Variants in ATP9A observed in about 807,000 individuals in gnomAD.
The protein encoded by ATP9A is probable phospholipid-transporting ATPase IIA.
Under a neutral mutation model 144.1 loss-of-function variants are expected in ATP9A, and 52 were observed. That is an observed-to-expected ratio of 0.36 (90% confidence interval 0.29 to 0.45). The LOEUF (loss-of-function observed/expected upper bound fraction) is 0.45. ATP9A is among the 20% of genes least tolerant of loss of function. The pLI is 1.00. For synonymous variants in ATP9A, 582 were observed against 557.4 expected (o/e 1.04, Z -0.62); for missense variants, 947 against 1,392.7 (o/e 0.68, Z 5.09).
intron 1 of ATP9A, among the ~76,000 whole-genome samples, chr20:51,737,392 A>G (rs1212756898): frequency 2.0e-5 from 3 of 152,120 alleles, no homozygotes; most frequent in African/African-American, 7.2e-5. Context: ...GCTCTGCCAC[A>G]ATGGACAGAT....
intron 15 of ATP9A, among the ~76,000 whole-genome samples, chr20:51,632,889 G>A (rs796606360): frequency 3.9e-5 from 6 of 152,264 alleles, no homozygotes; most frequent in African/African-American, 9.6e-5. Context: ...TTGGGGGGCC[G>A]AGGCTGGTGG....
At chr20:51,698,600 G>C (rs2077580263) in intron 4 of ATP9A, among the ~76,000 whole-genome samples, 2 of 152,222 alleles carry the variant, frequency 1.3e-5, no homozygotes, top group African/African-American at 4.8e-5. Context: ...AATTCCAGTG[G>C]AGGGGAGGAG....
At chr20:51,739,603 C>A (rs889185584) in intron 1 of ATP9A, among the ~76,000 whole-genome samples, 2 of 152,196 alleles carry the variant, frequency 1.3e-5, no homozygotes, top group African/African-American at 4.8e-5. Flanking sequence ...TACACTCACT[C>A]TTTAATCATG....
At chr20:51,650,894 A>C (rs2077361194) in intron 14 of ATP9A, among the ~76,000 whole-genome samples, 1 of 126,118 alleles carries the variant, frequency 7.9e-6, no homozygotes, top group African/African-American at 2.6e-5. Context: ...AGGAAAATAC[A>C]TCACACATAC....
intron 12 of ATP9A, among the ~76,000 whole-genome samples, chr20:51,670,786 C>T (rs555680661): frequency 2.9e-4 from 44 of 152,244 alleles, no homozygotes; most frequent in Middle Eastern, 3.4e-3. Flanking sequence ...AAGCTTGCTT[C>T]GGCTACTATG....
chr20:51,707,871 A>T (rs371262732), intron 4 of ATP9A, among the ~76,000 whole-genome samples: 11 of 144,396 alleles, frequency 7.6e-5, no homozygotes, highest in African/African-American at 2.9e-4. Context: ...GTGTGTGTGT[A>T]GCGTGTATTT....
rs752037306 is a variant in ATP9A, at chr20:51,639,412, G to T, written c.1599C>A (p.Ile533=). The change falls in exon 15 of 28, where the codon ATC becomes ATA. Residue 533 remains isoleucine (I), a synonymous_variant. Transcript: ENST00000338821. ...SMQLRTPGDQ[I]LNFTILQIFP... ...AGATCTGTAGGATGGTGAAGTTCAG[G>T]ATCTGGTCGCCAGGGGTCCTCAGCT... The T allele has an allele frequency of 6.2e-7, 1 of 1,614,090 alleles. No homozygotes were observed. The highest frequency in any genetic ancestry group is 1.1e-5 in the South Asian group (1 of 91,080).
intron 4 of ATP9A, among the ~76,000 whole-genome samples, chr20:51,698,297 G>A (rs1249089086): frequency 1.3e-5 from 2 of 152,212 alleles, no homozygotes; most frequent in African/African-American, 2.4e-5. Context: ...GCCGAAGCAG[G>A]CAGATGGCTT....
At position 51,762,705 on chromosome 20, in the gene ATP9A, CTTTTTT is replaced by C. The variant is rs34209501; in HGVS notation, c.68+5591_68+5596del. Among the ~76,000 whole-genome samples, 278 of 84,504 alleles carry C rather than the reference CTTTTTT, an allele frequency of 3.3e-3. 1 individual carries two copies. The highest frequency in any genetic ancestry group is 7.5e-3 in the Admixed American group (48 of 6,396). 55.4% of individuals were successfully genotyped at this position (84,504 alleles called of 152,430 possible). A position where few individuals can be genotyped will look rare whatever the true frequency, so the allele number is the denominator to read the frequency against. The stretch of plus-strand genomic sequence containing the variant: ...TTTAAGGTGATATATCCACAAATGG[CTTTTTT>C]TTTTTTTTTTTTTTTTGAGACAGGG... On this transcript the variant is annotated intron_variant, in intron 1 of 27. Coordinates refer to ENST00000338821, the MANE Select transcript of ATP9A (RefSeq NM_006045.3).
intron 15 of ATP9A, among the ~76,000 whole-genome samples, chr20:51,637,426 G>T (rs1008728348): frequency 5.3e-5 from 8 of 151,940 alleles, no homozygotes; most frequent in African/African-American, 1.9e-4. Context: ...AGACACGGGA[G>T]GACCAAAAGG....
intron 15 of ATP9A, among the ~76,000 whole-genome samples, chr20:51,637,691 T>C (rs1377863055): frequency 1.4e-5 from 2 of 140,234 alleles, no homozygotes; most frequent in Non-Finnish European, 3.1e-5. Flanking sequence ...CTTCTACTTG[T>C]GCACTCTGTT....
intron 14 of ATP9A, among the ~76,000 whole-genome samples, chr20:51,652,254 G>T (rs1366343768): frequency 6.6e-6 from 1 of 152,214 alleles, no homozygotes; most frequent in African/African-American, 2.4e-5. Flanking sequence ...CGGTGGCAGG[G>T]AGGGCCCAGC....
chr20:51,642,762 A>C (rs1331976587), intron 14 of ATP9A, among the ~76,000 whole-genome samples: 1 of 137,524 alleles, frequency 7.3e-6, no homozygotes, highest in East Asian at 2.2e-4. Context: ...AAAAAAAAAA[A>C]AACCTGGCGT....
intron 9 of ATP9A, among the ~76,000 whole-genome samples, chr20:51,679,993 G>A (rs971510997): frequency 6.6e-6 from 1 of 152,144 alleles, no homozygotes; most frequent in Non-Finnish European, 1.5e-5. Flanking sequence ...ACTTTGGGAG[G>A]CTGAGGCGGG....
chr20:51,612,969 A>T (rs1428704700), intron 23 of ATP9A, among the ~76,000 whole-genome samples: 1 of 152,126 alleles, frequency 6.6e-6, no homozygotes, highest in Non-Finnish European at 1.5e-5. Flanking sequence ...GCCCTCCATG[A>T]CGAGTGTATC....
rs2077134605 is a variant in ATP9A, at chr20:51,599,840, T to C, written c.*1371A>G. 6.6e-6 allele frequency: 1 copy of C among 152,186 alleles called. No individual in the cohort carries two copies. The highest frequency in any genetic ancestry group is 6.5e-5 in the Admixed American group (1 of 15,286). 9.4% of individuals were successfully genotyped at this position (152,186 alleles called of 1,614,324 possible). On this transcript the variant is annotated 3_prime_UTR_variant, in exon 28 of 28. Transcript: ENST00000338821. ...CGCAAATCCAAGATCTCAACCACAC[T>C]TGGCTCTTAAAGATCCACCAACTTA... is the stretch of plus-strand genomic sequence containing the variant.
Position 51,750,871 on chromosome 20 carries a change from C to T in ATP9A, c.68+17431G>A, listed in dbSNP as rs1278831182. Among the ~76,000 whole-genome samples the T allele has an allele frequency of 1.8e-4, 28 of 152,282 alleles. No homozygotes were observed. The South Asian group carries it at 5.2e-3, about 28-fold the overall frequency. On this transcript the variant is annotated intron_variant, in intron 1 of 27. Transcript: ENST00000338821. ...TGGCAGGAACCCAGCAGAGACACAC[C>T]AAGGGTCCCCACTGGCACTGCCAAG...
chr20:51,739,528 T>G (rs991132849), intron 1 of ATP9A, among the ~76,000 whole-genome samples: 5 of 146,862 alleles, frequency 3.4e-5, no homozygotes, highest in South Asian at 4.3e-4. Flanking sequence ...ATTTTTTGTG[T>G]TTTTTTTAGC....
At chr20:51,690,158 T>A (rs371144955) in intron 8 of ATP9A, among the ~76,000 whole-genome samples, 6 of 131,486 alleles carry the variant, frequency 4.6e-5, no homozygotes, top group East Asian at 2.4e-4. Flanking sequence ...CAGTGGCTCA[T>A]GCCTGTAATC....
Sources: allele counts gnomAD v4.1 joint callset (sites outside exome capture counted in the v4.1 genomes callset), GRCh38; gene constraint gnomAD v4.1.1; transcripts MANE v1.5; gene names NCBI Gene and HGNC (gene_info 2026-07-23, HGNC 2026-07-21).